Variants in INTS1 observed in about 807,000 individuals in gnomAD.
INTS1 encodes integrator complex subunit 1.
Under a neutral mutation model 241.6 loss-of-function variants are expected in INTS1, and 137 were observed. That is an observed-to-expected ratio of 0.57 (90% confidence interval 0.49 to 0.65). The LOEUF is 0.65. INTS1 is among the 30% of genes least tolerant of loss of function. INTS1 has a pLI of 0.00. For missense variants in INTS1, 3,073 were observed against 3,032.2 expected, an observed-to-expected ratio of 1.01 and a Z score of -0.32; for synonymous variants, 1,692 against 1,337.8, an observed-to-expected ratio of 1.26 and a Z score of -5.78.
intron 8 of INTS1, 37 bp from the exon 9 acceptor site, chr7:1,498,889 AC>A: frequency 6.4e-7 from 1 of 1,563,450 alleles, no homozygotes; most frequent in Non-Finnish European, 8.7e-7. Flanking sequence ...GCTCACGGCC[AC>A]CCCGGCAGGA....
chr7:1,484,266 C>G (rs1782141488), intron 24 of INTS1, 96 bp from the exon 25 acceptor site: 6 of 1,315,946 alleles, frequency 4.6e-6, no homozygotes, highest in Admixed American at 2.1e-5. Context: ...TCACTGGGAT[C>G]TTAAGCAGGG....
intron 44 of INTS1, 26 bp from the exon 45 acceptor site, chr7:1,471,667 G>C (rs1440352477): frequency 1.2e-6 from 2 of 1,608,774 alleles, no homozygotes; most frequent in Non-Finnish European, 1.7e-6. Context: ...GGCCAGACCA[G>C]AACTGAAGGG....
intron 18 of INTS1, among the ~76,000 whole-genome samples, chr7:1,488,729 G>A (rs1465425875): frequency 6.6e-6 from 1 of 152,172 alleles, no homozygotes; most frequent in Non-Finnish European, 1.5e-5. Context: ...CCTTGGTGTG[G>A]TGCCCTCACT....
In INTS1 at chr7:1,503,103, G is replaced by C; in HGVS notation, c.147C>G (p.Ala49=). 6.2e-7 allele frequency: 1 copy of C among 1,609,188 alleles called. No homozygotes were observed. The highest frequency in any genetic ancestry group is 8.5e-7 in the Non-Finnish European group (1 of 1,176,372). Residue 49 remains alanine, a synonymous_variant, in exon 3 of 48, where the codon GCC becomes GCG. Transcript: ENST00000404767. ...SKTASTLLKP[A]PSGLPSERKR... is the part of the protein sequence containing the mutation. ...TGCGCTCAGAAGGCAGGCCGGAAGG[G>C]GCTGGCTTCAGCAGGGTGGACGCCG...
At chr7:1,487,145 A>C in intron 20 of INTS1, 44 bp from the exon 21 acceptor site, 1 of 1,532,174 alleles carries the variant, frequency 6.5e-7, no homozygotes, top group Non-Finnish European at 8.8e-7. Flanking sequence ...TTCCAGGCCC[A>C]ACACCTGCCG....
At chr7:1,502,867 G>A (rs1783259757) in intron 3 of INTS1, 34 bp downstream of exon 3, 2 of 1,609,460 alleles carry the variant, frequency 1.2e-6, no homozygotes, top group Non-Finnish European at 1.7e-6. Flanking sequence ...ATGAGCTGAG[G>A]GGTGTTCTCG....
At chr7:1,472,705 G>C (rs1584255009) in intron 43 of INTS1, among the ~76,000 whole-genome samples, 1 of 152,140 alleles carries the variant, frequency 6.6e-6, no homozygotes, top group Non-Finnish European at 1.5e-5. Flanking sequence ...CTGCGGTGCC[G>C]TGTCACCTCA....
At chr7:1,471,309 G>A in intron 45 of INTS1, 85 bp from the exon 46 acceptor site, 1 of 1,375,900 alleles carries the variant, frequency 7.3e-7, no homozygotes, top group Non-Finnish European at 1.0e-6. Context: ...CGTGATGGTT[G>A]GCGGCAACGG....
rs562317954 is a variant in INTS1, at chr7:1,473,611, G to T, written c.5912C>A (p.Ala1971Asp). 2 of 1,611,654 alleles carry T rather than the reference G, an allele frequency of 1.2e-6. No individual in the cohort carries two copies. Among genetic ancestry groups the T allele is most frequent in the African/African-American group, 2.7e-5 (2 of 74,918 alleles). Residue 1971 changes from alanine (A) to aspartate (D), a missense_variant, in exon 42 of 48, where the codon GCC (alanine) becomes GAC (aspartate). Physicochemically the swap from Ala to Asp is moderately radical, Grantham distance 126. Transcript: ENST00000404767. ...QFIHKYITYN[A>D]PAAISFLQKH... is the part of the protein sequence containing the mutation. ...CTGCAGGAAGGAGATGGCTGCTGGG[G>T]CATTGTAGGTAATGTACTTATGGAT...
intron 3 of INTS1, 73 bp downstream of exon 3, chr7:1,502,828 G>A (rs895656225): frequency 4.0e-5 from 61 of 1,530,800 alleles, no homozygotes; most frequent in Non-Finnish European, 1.9e-5. Context: ...GGCCTGGAGG[G>A]GGCCTTCCCT....
intron 13 of INTS1, 47 bp downstream of exon 13, chr7:1,495,386 G>C (rs764973123): frequency 6.4e-7 from 1 of 1,574,262 alleles, no homozygotes; most frequent in South Asian, 1.1e-5. Flanking sequence ...GGCTTGTCCC[G>C]GCTCAGTGGG....
At position 1,470,722 on chromosome 7, in the gene INTS1, C is replaced by T. The variant is rs367643117; in HGVS notation, c.6458-30G>A. 24 of 1,501,338 alleles carry T rather than the reference C, an allele frequency of 1.6e-5. No individual in the cohort carries two copies. In the African/African-American group the frequency reaches 1.8e-4, roughly 11 times the overall value. The allele number at this position is 1,501,338 out of a possible 1,614,324, so 93.0% of individuals were successfully genotyped here. ...GGGGGAAACGGGGCCCTGCACGTCA[C>T]GCTGGCCACAACATCCTGGCCGCAG... is the stretch of plus-strand genomic sequence containing the variant. On this transcript the variant is annotated intron_variant, in intron 47 of 47. Transcript: ENST00000404767.
chr7:1,480,963 C>T (rs748511949), intron 28 of INTS1, 30 bp from the exon 29 acceptor site: 18 of 1,541,582 alleles, frequency 1.2e-5, no homozygotes, highest in African/African-American at 9.5e-5. Context: ...CACACCTGGG[C>T]GCGGCCAGGG....
At position 1,482,613 on chromosome 7, in the gene INTS1, C is replaced by A; in HGVS notation, c.3636G>T (p.Ala1212=). 1 of 1,612,874 alleles carries A rather than the reference C, an allele frequency of 6.2e-7. No homozygotes were observed. ...GCTTCAGCCAGTCAGGAAGCAGCAG[C>A]GCCTCCTCCGATGTGTCCACCAGGA... The part of the protein sequence containing the change: ...TAFLVDTSEE[A]LLLPDWLKLR... Residue 1212 remains alanine, a synonymous_variant, in exon 27 of 48, where the codon GCG becomes GCT. Transcript: ENST00000404767.
rs372175927 is a variant in INTS1, at chr7:1,481,266, C to T, written c.3850+76G>A. On this transcript the variant is annotated intron_variant, in intron 28 of 47. Transcript: ENST00000404767. The surrounding 1 kb of genome is among the most constrained non-coding windows in gnomAD (Gnocchi z 6.8). The stretch of plus-strand genomic sequence containing the variant: ...CTCGGATCACCCACCCGCTCGCACC[C>T]AGGCCCCAAAAGCCTGGCCGGGCTG... 208 of 1,564,472 alleles carry T rather than the reference C, an allele frequency of 1.3e-4. No individual in the cohort carries two copies. The highest frequency in any genetic ancestry group is 1.7e-4 in the Non-Finnish European group (197 of 1,142,590).
chr7:1,504,252 C>G (rs898981352), intron 1 of INTS1, 71 bp downstream of exon 1: 1 of 592,258 alleles, frequency 1.7e-6, no homozygotes, highest in African/African-American at 2.0e-5. Flanking sequence ...GCCCAGAGGC[C>G]GGGAGCGGTA....
rs3752714 is a variant in INTS1 at position 1,503,061 on chromosome 7, G to A, written c.189C>T (p.Ala63=). ...LPSERKRDAA[A]ALSSASALTG... ...TGAGGGCCGAGGCACTGGACAACGC[G>A]GCCGCCGCATCCCGCTTGCGCTCAG... Residue 63 remains alanine, a synonymous_variant, in exon 3 of 48, where the codon GCC becomes GCT. Coordinates refer to ENST00000404767, the MANE Select transcript of INTS1 (RefSeq NM_001080453.3). 0.44 allele frequency: 714,026 copies of A among 1,612,572 alleles called. 164,235 individuals are homozygous for A. Among genetic ancestry groups the A allele is most frequent in the East Asian group, 0.73 (32,520 of 44,832 alleles).
At chr7:1,483,627 G>A (rs1241712051) in intron 26 of INTS1, 115 bp downstream of exon 26, 3 of 785,694 alleles carry the variant, frequency 3.8e-6, no homozygotes, top group Admixed American at 3.9e-5. Flanking sequence ...AGGGTTGAAG[G>A]GCTGGGGGGC....
chr7:1,498,951 CACCCCCCCGGGGCG>C lies in INTS1; in HGVS notation c.1137+10_1137+23del. The stretch of plus-strand genomic sequence containing the variant: ...GCCTGCCCCCACCCCCTGCCCCGCC[CACCCCCCCGGGGCG>C]CCCCCGCACCTTGGGGTTCTGCAGC... On this transcript the variant is annotated intron_variant, in intron 8 of 47. Transcript: ENST00000404767. The C allele has an allele frequency of 7.0e-7, 1 of 1,438,482 alleles. No individual in the cohort carries two copies. The highest frequency in any genetic ancestry group is 9.4e-7 in the Non-Finnish European group (1 of 1,063,332). 89.1% of individuals were successfully genotyped at this position (1,438,482 alleles called of 1,614,324 possible). A position where few individuals can be genotyped will look rare whatever the true frequency, so the allele number is the denominator to read the frequency against.
Sources: allele counts gnomAD v4.1 joint callset (sites outside exome capture counted in the v4.1 genomes callset), GRCh38; gene constraint gnomAD v4.1.1; non-coding constraint Gnocchi (gnomAD v3.1); transcripts MANE v1.5; gene names NCBI Gene and HGNC (gene_info 2026-07-23, HGNC 2026-07-21).